The following CECR2 variants were observed in gnomAD, a reference collection of about 807,000 sequenced individuals.
The protein encoded by CECR2 is CECR2 histone acetyl-lysine reader, also known as chromatin remodeling regulator CECR2.
CECR2 carries 30 observed loss-of-function variants against 154.5 expected under a neutral mutation model. That is an observed-to-expected ratio of 0.19 (90% CI 0.15 to 0.26). CECR2 has a LOEUF of 0.26. Ranked by LOEUF, CECR2 falls within the 10% of genes least tolerant of loss-of-function variation. CECR2 has a pLI of 1.00. For synonymous variants in CECR2, 725 were observed against 683.7 expected (o/e 1.06, Z -0.94); for missense variants, 1,743 against 1,829.3 (o/e 0.95, Z 0.86).
chr22:17,378,798 T>A lies in CECR2; in HGVS notation c.126+8889T>A, dbSNP rs114613781. Among the ~76,000 whole-genome samples the A allele has an allele frequency of 9.0e-3, 1,377 of 152,296 alleles. 22 individuals carry two copies. Among genetic ancestry groups the A allele is most frequent in the African/African-American group, 0.031 (1,301 of 41,572 alleles). ...TATAGAAGGTACACCCTATGTGAGA[T>A]AGATGAGTTTTTCCTTGTGATGGGC... On this transcript the variant is annotated intron_variant, in intron 1 of 18. Coordinates refer to ENST00000262608, the MANE Select transcript of CECR2 (RefSeq NM_001290047.2).
At chr22:17,411,208 G>A (rs2146567505) in intron 1 of CECR2, among the ~76,000 whole-genome samples, 1 of 152,312 alleles carries the variant, frequency 6.6e-6, no homozygotes, top group African/African-American at 2.4e-5. Flanking sequence ...TCATGTGAAG[G>A]CATTGCTTTA....
intron 1 of CECR2, among the ~76,000 whole-genome samples, chr22:17,413,770 A>G (rs1052856330): frequency 1.3e-5 from 2 of 151,196 alleles, no homozygotes; most frequent in African/African-American, 2.4e-5. Context: ...TCCGCCTCCC[A>G]TGTTCACGCC....
In CECR2 at chr22:17,556,462, T is replaced by C. The variant is rs1284665447; in HGVS notation, c.*3622T>C. ...ATAGTTACTATATTATTTTTGCTGA[T>C]TCCTACTGCTGGCAGATGCCATCCC... On this transcript the variant is annotated 3_prime_UTR_variant, in exon 19 of 19. Transcript: ENST00000262608. 6.6e-6 allele frequency: 1 copy of C among 152,218 alleles called. No individual in the cohort carries two copies. Among genetic ancestry groups the C allele is most frequent in the Non-Finnish European group, 1.5e-5 (1 of 68,042 alleles). The allele number at this position is 152,218 out of a possible 1,614,324, so 9.4% of individuals were successfully genotyped here.
At chr22:17,439,476 C>T (rs1212200255) in intron 1 of CECR2, among the ~76,000 whole-genome samples, 1 of 151,950 alleles carries the variant, frequency 6.6e-6, no homozygotes, top group Non-Finnish European at 1.5e-5. Context: ...ATACAAACAG[C>T]CCAGTGGAAC....
chr22:17,545,388 A>AAAAG (rs2056597012), intron 16 of CECR2, among the ~76,000 whole-genome samples: 1 of 151,264 alleles, frequency 6.6e-6, no homozygotes, highest in East Asian at 1.9e-4. Context: ...AAAAAAAAAA[A>AAAAG]AAAAAAAAAG....
chr22:17,467,902 C>T (rs556874689), intron 1 of CECR2, among the ~76,000 whole-genome samples: 6 of 152,304 alleles, frequency 3.9e-5, no homozygotes, highest in South Asian at 2.1e-4. Context: ...AGAATTCACA[C>T]GATCTTTTGA....
At chr22:17,452,024 G>T (rs61694744) in intron 1 of CECR2, among the ~76,000 whole-genome samples, 5 of 152,162 alleles carry the variant, frequency 3.3e-5, no homozygotes, top group African/African-American at 9.7e-5. Context: ...GTTGTGGGAC[G>T]TCAGATCGCT....
chr22:17,360,037 G>C (rs1284187555), intron 1 of CECR2: 1 of 152,188 alleles, frequency 6.6e-6, no homozygotes, highest in East Asian at 1.9e-4. Flanking sequence ...TGTGGAACTT[G>C]GTGATATGAA....
In CECR2 at chr22:17,552,168, GTTC is replaced by G. The variant is rs779938187; in HGVS notation, c.4389+33_4389+35del. 982 of 1,591,254 alleles carry G rather than the reference GTTC, an allele frequency of 6.2e-4. 2 individuals are homozygous for G. Among genetic ancestry groups the G allele is most frequent in the Non-Finnish European group, 7.8e-4 (899 of 1,159,372 alleles). On this transcript the variant is annotated intron_variant, in intron 18 of 18. Transcript: ENST00000262608. The stretch of plus-strand genomic sequence containing the variant: ...GTAAGGATCACTAAAAATTAGAGCT[GTTC>G]TTCTTCCTCCAGGTGGTAGGAAGTA...
intron 2 of CECR2, among the ~76,000 whole-genome samples, chr22:17,482,115 C>CA (rs869050391): frequency 0.075 from 5,664 of 75,754 alleles, 701 homozygotes; most frequent in Non-Finnish European, 0.1. Context: ...ACTCTGTCTC[C>CA]AAAAAAAAAA....
At chr22:17,487,169 T>C (rs2055436508) in intron 2 of CECR2, among the ~76,000 whole-genome samples, 1 of 152,232 alleles carries the variant, frequency 6.6e-6, no homozygotes, top group South Asian at 2.1e-4. Context: ...TACTTTTTCT[T>C]CTATATTCTC....
chr22:17,385,796 A>G (rs1428845324), intron 1 of CECR2, among the ~76,000 whole-genome samples: 1 of 152,228 alleles, frequency 6.6e-6, no homozygotes, highest in Non-Finnish European at 1.5e-5. Context: ...AGGGAAACAC[A>G]GTACAACGAG....
intron 9 of CECR2, among the ~76,000 whole-genome samples, chr22:17,533,421 G>A (rs1236940573): frequency 6.6e-6 from 1 of 151,432 alleles, no homozygotes; most frequent in Non-Finnish European, 1.5e-5. Flanking sequence ...CTTGAGCTAA[G>A]GAGTTGAAGA....
chr22:17,553,092 C>G lies in CECR2; in HGVS notation c.*252C>G. 2.8e-6 allele frequency: 2 copies of G among 706,786 alleles called. No individual in the cohort carries two copies. Among genetic ancestry groups the G allele is most frequent in the Non-Finnish European group, 3.9e-6 (2 of 507,544 alleles). The allele number at this position is 706,786 out of a possible 1,614,324, so 43.8% of individuals were successfully genotyped here. A position where few individuals can be genotyped will look rare whatever the true frequency, so the allele number is the denominator to read the frequency against. Reference sequence around the variant, plus strand: ...AGCTGATGTAGACAGTCAGGCAAAACTAATGAACGTGGAGTTAATGATGAC... The same window carrying G: ...AGCTGATGTAGACAGTCAGGCAAAAGTAATGAACGTGGAGTTAATGATGAC... On this transcript the variant is annotated 3_prime_UTR_variant, in exon 19 of 19. Transcript: ENST00000262608.
At chr22:17,376,880 C>G (rs542249243) in intron 1 of CECR2, among the ~76,000 whole-genome samples, 1 of 152,144 alleles carries the variant, frequency 6.6e-6, no homozygotes, top group African/African-American at 2.4e-5. Context: ...TCGTGATCCA[C>G]CCTCCTCGGC....
chr22:17,462,414 A>G lies in CECR2; in HGVS notation c.127-15174A>G, dbSNP rs372789188. 9.2e-5 allele frequency among the ~76,000 whole-genome samples: 14 copies of G among 152,160 alleles called. 1 individual carries two copies. Among genetic ancestry groups the G allele is most frequent in the Admixed American group, 7.2e-4 (11 of 15,282 alleles). Reference sequence around the variant, plus strand: ...TCTTAAGATAATACTGAGAAGGTGTAGGTTGAGGTCATTTGGGGAGGCTTT... The same window carrying G: ...TCTTAAGATAATACTGAGAAGGTGTGGGTTGAGGTCATTTGGGGAGGCTTT... On this transcript the variant is annotated intron_variant, in intron 1 of 18. Coordinates refer to ENST00000262608, the MANE Select transcript of CECR2 (RefSeq NM_001290047.2).
At chr22:17,538,956 C>T (rs1409012155) in intron 12 of CECR2, 37 bp from the exon 13 acceptor site, 1 of 1,600,674 alleles carries the variant, frequency 6.2e-7, no homozygotes, top group Non-Finnish European at 8.5e-7. Context: ...TTGCTCTCAG[C>T]ATATTTTAAC....
intron 1 of CECR2, among the ~76,000 whole-genome samples, chr22:17,410,220 C>G (rs1008825621): frequency 6.6e-6 from 1 of 151,962 alleles, no homozygotes; most frequent in Non-Finnish European, 1.5e-5. Context: ...CTCAAGTGAT[C>G]TGCCCACCTC....
chr22:17,410,987 T>C (rs2054060523), intron 1 of CECR2, among the ~76,000 whole-genome samples: 1 of 152,192 alleles, frequency 6.6e-6, no homozygotes, highest in Admixed American at 6.5e-5. Context: ...GTGAGTTGAA[T>C]TGGGATTAGA....
Sources: gnomAD v4.1 joint callset for allele counts (sites outside exome capture counted in the v4.1 genomes callset) on GRCh38, gnomAD v4.1.1 for gene constraint, MANE v1.5 for transcripts, NCBI Gene and HGNC (gene_info 2026-07-23, HGNC 2026-07-21) for gene names.